STPG2: variants seen among roughly 807,000 people sequenced by gnomAD.
The protein encoded by STPG2 is sperm-tail PG-rich repeat-containing protein 2.
STPG2 carries 56 observed loss-of-function variants against 54.2 expected under a neutral mutation model. The ratio of observed to expected loss-of-function variants is 1.03; its 90% CI spans 0.83 to 1.29. The LOEUF is 1.29. Ranked by LOEUF, STPG2 falls within the 50% of genes most tolerant of loss-of-function variation. STPG2 has a pLI of 0.00. For synonymous variants in STPG2, 200 were observed against 181.8 expected, an observed-to-expected ratio of 1.10 and a Z score of -0.81; for missense variants, 596 against 544.9, an observed-to-expected ratio of 1.09 and a Z score of -0.93.
At chr4:97,923,101 G>A (rs1422714714) in intron 8 of STPG2, among the ~76,000 whole-genome samples, 4 of 152,192 alleles carry the variant, frequency 2.6e-5, no homozygotes, top group Non-Finnish European at 4.4e-5. Flanking sequence ...GGCAGCCCTC[G>A]CAGCCCTCGC....
chr4:97,819,645 A>G (rs1030667505), intron 9 of STPG2, among the ~76,000 whole-genome samples: 1 of 152,148 alleles, frequency 6.6e-6, no homozygotes, highest in Non-Finnish European at 1.5e-5. Context: ...TATGCTGTCA[A>G]CATCAACTGT....
At chr4:97,698,983 C>T (rs778281017) in intron 10 of STPG2, among the ~76,000 whole-genome samples, 7 of 152,156 alleles carry the variant, frequency 4.6e-5, no homozygotes, top group Non-Finnish European at 8.8e-5. Flanking sequence ...ATAGTCTTGG[C>T]AGAAGCATTG....
intron 5 of STPG2, among the ~76,000 whole-genome samples, chr4:97,988,371 C>T (rs1734891450): frequency 6.6e-6 from 1 of 152,020 alleles, no homozygotes; most frequent in Admixed American, 6.6e-5. Flanking sequence ...AAATTTTCTG[C>T]TATATTCTAA....
At chr4:97,768,658 C>T (rs1726129644) in intron 9 of STPG2, among the ~76,000 whole-genome samples, 1 of 151,566 alleles carries the variant, frequency 6.6e-6, no homozygotes, top group Non-Finnish European at 1.5e-5. Flanking sequence ...CTTTACTGCA[C>T]ATTCTCATAG....
chr4:97,661,191 A>G (rs896541374), intron 10 of STPG2, among the ~76,000 whole-genome samples: 1 of 152,180 alleles, frequency 6.6e-6, no homozygotes, highest in African/African-American at 2.4e-5. Flanking sequence ...TAGTTTAGGA[A>G]AACAATTTAT....
At chr4:97,994,365 G>A (rs566996732) in intron 5 of STPG2, among the ~76,000 whole-genome samples, 1 of 152,252 alleles carries the variant, frequency 6.6e-6, no homozygotes, top group Admixed American at 6.5e-5. Flanking sequence ...TTAATTTGTT[G>A]AGACTTTTTT....
chr4:98,070,548 A>G (rs901355429), intron 5 of STPG2, among the ~76,000 whole-genome samples: 1 of 141,220 alleles, frequency 7.1e-6, no homozygotes, highest in African/African-American at 2.5e-5. Context: ...AATAAAGGGT[A>G]TTCAAATAGA....
chr4:97,975,990 A>G (rs1013859076), intron 6 of STPG2, among the ~76,000 whole-genome samples: 3 of 152,182 alleles, frequency 2.0e-5, no homozygotes, highest in African/African-American at 7.2e-5. Context: ...GGGTAGTACT[A>G]GGTTAGACGT....
intron 10 of STPG2, among the ~76,000 whole-genome samples, chr4:97,591,247 T>C (rs557826644): frequency 6.6e-6 from 1 of 152,260 alleles, no homozygotes; most frequent in East Asian, 1.9e-4. Flanking sequence ...TAAATAAAAA[T>C]TTAACATTTT....
intron 10 of STPG2, among the ~76,000 whole-genome samples, chr4:97,658,161 TAAAG>T (rs1722270309): frequency 6.6e-6 from 1 of 152,222 alleles, no homozygotes; most frequent in African/African-American, 2.4e-5. Flanking sequence ...TTTCAAGTGA[TAAAG>T]AAACTGAAGA....
intron 4 of STPG2, among the ~76,000 whole-genome samples, chr4:97,471,033 T>C (rs565931098): frequency 2.6e-5 from 4 of 152,186 alleles, no homozygotes; most frequent in Non-Finnish European, 4.4e-5. Flanking sequence ...GACTAATGAG[T>C]AGGTAGTGTA....
chr4:97,797,268 T>A (rs1727224162), intron 9 of STPG2, among the ~76,000 whole-genome samples: 1 of 152,236 alleles, frequency 6.6e-6, no homozygotes, highest in Non-Finnish European at 1.5e-5. Context: ...CTTGTGCCAG[T>A]TTTCAAAGGG....
intron 4 of STPG2, among the ~76,000 whole-genome samples, chr4:97,476,062 CAT>C (rs1346382398): frequency 1.2e-4 from 18 of 152,226 alleles, no homozygotes; most frequent in Admixed American, 6.6e-4. Context: ...GTGCTAAAGA[CAT>C]GTGGGCATTT....
At chr4:97,915,215 T>C (rs981170011) in intron 8 of STPG2, among the ~76,000 whole-genome samples, 1 of 152,118 alleles carries the variant, frequency 6.6e-6, no homozygotes, top group African/African-American at 2.4e-5. Flanking sequence ...AAATCAGACA[T>C]GGTGCCTGCT....
At chr4:97,912,515 G>A (rs1421145083) in intron 8 of STPG2, among the ~76,000 whole-genome samples, 2 of 152,128 alleles carry the variant, frequency 1.3e-5, no homozygotes, top group African/African-American at 4.8e-5. Flanking sequence ...AAAACTTCAC[G>A]ATGCACTCAC....
intron 9 of STPG2, among the ~76,000 whole-genome samples, chr4:97,823,486 A>T (rs1728148923): frequency 6.6e-6 from 1 of 152,230 alleles, no homozygotes; most frequent in African/African-American, 2.4e-5. Context: ...ACTTAGAAAA[A>T]GATTCCTTTT....
At chr4:97,484,028 G>T (rs6838222) in intron 4 of STPG2, among the ~76,000 whole-genome samples, 1 of 151,600 alleles carries the variant, frequency 6.6e-6, no homozygotes, top group Non-Finnish European at 1.5e-5. Context: ...CAAACTGAAC[G>T]ACAATAATGA....
At chr4:97,716,470 T>C (rs921240033) in intron 9 of STPG2, among the ~76,000 whole-genome samples, 5 of 152,038 alleles carry the variant, frequency 3.3e-5, no homozygotes, top group African/African-American at 1.2e-4. Context: ...AATGATAGAC[T>C]AGATAAAGAA....
intron 6 of STPG2, among the ~76,000 whole-genome samples, chr4:97,979,990 T>C (rs943641818): frequency 6.6e-6 from 1 of 152,090 alleles, no homozygotes; most frequent in Admixed American, 6.6e-5. Context: ...CCCCAAGTTA[T>C]GGGATTAAAG....
Sources: gnomAD v4.1 joint callset for allele counts (sites outside exome capture counted in the v4.1 genomes callset) on GRCh38, gnomAD v4.1.1 for gene constraint, MANE v1.5 for transcripts, NCBI Gene and HGNC (gene_info 2026-07-23, HGNC 2026-07-21) for gene names.